The following BANK1 variants were observed in gnomAD, a reference collection of about 807,000 sequenced individuals.
The protein encoded by BANK1 is B cell scaffold protein with ankyrin repeats 1.
In BANK1, 95 loss-of-function variants were observed where a neutral mutation model predicts 94.5. The observed-to-expected ratio is 1.00, with a 90% CI of 0.85 to 1.19. The LOEUF is 1.19. BANK1 is among the 50% of genes most tolerant of loss of function. The pLI, the probability that BANK1 is intolerant of heterozygous loss-of-function variation, is 0.00. For missense variants in BANK1, 987 were observed against 932.2 expected, an observed-to-expected ratio of 1.06 and a Z score of -0.77; for synonymous variants, 334 against 308.4, an observed-to-expected ratio of 1.08 and a Z score of -0.87.
chr4:101,861,079 C>G (rs1396289244), intron 3 of BANK1, among the ~76,000 whole-genome samples: 1 of 152,164 alleles, frequency 6.6e-6, no homozygotes, highest in Non-Finnish European at 1.5e-5. Flanking sequence ...TTTTCTGACA[C>G]ATTGCATGTG....
chr4:101,926,282 TC>T (rs1318939622), intron 7 of BANK1, among the ~76,000 whole-genome samples: 3 of 151,692 alleles, frequency 2.0e-5, no homozygotes, highest in Non-Finnish European at 4.4e-5. Flanking sequence ...TATATTTTTT[TC>T]ATTTCTCCTT....
At chr4:101,914,454 C>G (rs1034752734) in intron 6 of BANK1, among the ~76,000 whole-genome samples, 1 of 152,104 alleles carries the variant, frequency 6.6e-6, no homozygotes, top group Non-Finnish European at 1.5e-5. Flanking sequence ...AATGGGAAAC[C>G]AATTTTGAAC....
intron 7 of BANK1, among the ~76,000 whole-genome samples, chr4:101,948,391 G>A (rs1022287279): frequency 6.6e-6 from 1 of 152,056 alleles, no homozygotes; most frequent in African/African-American, 2.4e-5. Context: ...AAATAATCAT[G>A]TAACAGGTTG....
intron 1 of BANK1, among the ~76,000 whole-genome samples, chr4:101,803,977 G>C (rs530220061): frequency 2.7e-5 from 3 of 111,054 alleles, no homozygotes; most frequent in African/African-American, 3.6e-5. Flanking sequence ...CAGCCTGGGC[G>C]ACAGAGCGAG....
chr4:101,922,532 A>T (rs1465804209), intron 7 of BANK1, among the ~76,000 whole-genome samples: 3 of 151,828 alleles, frequency 2.0e-5, no homozygotes, highest in Non-Finnish European at 2.9e-5. Context: ...GTTGGTGTCC[A>T]ATTGAAAGAC....
intron 1 of BANK1, among the ~76,000 whole-genome samples, chr4:101,820,352 T>A (rs1450851970): frequency 1.3e-5 from 2 of 152,218 alleles, no homozygotes; most frequent in African/African-American, 2.4e-5. Flanking sequence ...CCTTGTGGGA[T>A]CTAACTCTAG....
chr4:101,932,442 T>G (rs1307816642), intron 7 of BANK1, among the ~76,000 whole-genome samples: 1 of 151,560 alleles, frequency 6.6e-6, no homozygotes, highest in East Asian at 2.0e-4. Flanking sequence ...AATTTCACCT[T>G]AGTTGTCCTG....
intron 5 of BANK1, among the ~76,000 whole-genome samples, chr4:101,892,233 TATA>T (rs1721902936): frequency 1.3e-5 from 2 of 151,082 alleles, no homozygotes; most frequent in South Asian, 2.1e-4. Context: ...AAGAAATAGT[TATA>T]ATAATAAAGT....
intron 7 of BANK1, among the ~76,000 whole-genome samples, chr4:101,984,586 T>TA (rs1298965317): frequency 1.3e-5 from 2 of 152,116 alleles, no homozygotes; most frequent in African/African-American, 2.4e-5. Context: ...CTGTCATTGA[T>TA]AGTGTTATGG....
intron 1 of BANK1, among the ~76,000 whole-genome samples, chr4:101,828,982 C>A (rs547338993): frequency 1.3e-3 from 198 of 152,130 alleles, no homozygotes; most frequent in African/African-American, 4.5e-3. Context: ...CCTGACTCAG[C>A]CTCCCAAGTG....
chr4:101,936,435 T>C (rs1047595200), intron 7 of BANK1, among the ~76,000 whole-genome samples: 10 of 150,242 alleles, frequency 6.7e-5, no homozygotes, highest in Admixed American at 4.7e-4. Context: ...ATGTATAAGA[T>C]GTATACATGT....
chr4:101,993,582 G>A (rs998803661), intron 7 of BANK1, among the ~76,000 whole-genome samples: 1 of 152,110 alleles, frequency 6.6e-6, no homozygotes, highest in Non-Finnish European at 1.5e-5. Flanking sequence ...ACTTGGCACT[G>A]AAGAAATGCA....
At chr4:101,949,142 C>G (rs1724044253) in intron 7 of BANK1, among the ~76,000 whole-genome samples, 2 of 151,898 alleles carry the variant, frequency 1.3e-5, no homozygotes, top group African/African-American at 4.8e-5. Flanking sequence ...CAAGATGACC[C>G]TAGGATGACG....
In BANK1 at chr4:101,790,807, A is replaced by G. The variant is rs1724949299; in HGVS notation, c.-74A>G. The stretch of plus-strand genomic sequence containing the variant: ...GCCAAAGGAAGAGAAAATCGCGGGG[A>G]GTCTCTGGCCGGGAGAGTCCAGGTA... On this transcript the variant is annotated 5_prime_UTR_variant, in exon 1 of 17. Transcript: ENST00000322953. 4 of 1,423,834 alleles carry G rather than the reference A, an allele frequency of 2.8e-6. No individual in the cohort carries two copies. Among genetic ancestry groups the G allele is most frequent in the Non-Finnish European group, 2.9e-6 (3 of 1,045,430 alleles). 88.2% of individuals were successfully genotyped at this position (1,423,834 alleles called of 1,614,324 possible). A position where few individuals can be genotyped will look rare whatever the true frequency, so the allele number is the denominator to read the frequency against.
chr4:101,814,079 T>G (rs545843923), intron 1 of BANK1: 1 of 188,558 alleles, frequency 5.3e-6, no homozygotes, highest in African/African-American at 2.4e-5. Context: ...AAGTGTGACA[T>G]CCCATGTAAC....
At chr4:101,851,324 A>T (rs1030922945) in intron 2 of BANK1, among the ~76,000 whole-genome samples, 1 of 152,222 alleles carries the variant, frequency 6.6e-6, no homozygotes, top group African/African-American at 2.4e-5. Flanking sequence ...TAGATAGAAT[A>T]AAGTACTGTC....
At chr4:102,043,498 G>T (rs2148956152) in intron 10 of BANK1, among the ~76,000 whole-genome samples, 1 of 152,080 alleles carries the variant, frequency 6.6e-6, no homozygotes, top group Middle Eastern at 3.4e-3. Context: ...TGTGCAAATG[G>T]AATTTTTCAT....
Position 101,866,715 on chromosome 4 carries a change from C to T in BANK1, c.764-3790C>T, listed in dbSNP as rs377404630. ...ATGCTGCTATAAAGACACATGCACA[C>T]GTATGTTTATTGCAGCACTATTCAC... is the stretch of plus-strand genomic sequence containing the variant. On this transcript the variant is annotated intron_variant, in intron 4 of 16. Coordinates refer to ENST00000322953, the MANE Select transcript of BANK1 (RefSeq NM_017935.5). 2.9e-4 allele frequency among the ~76,000 whole-genome samples: 15 copies of T among 51,424 alleles called. 6 individuals carry two copies. The highest frequency in any genetic ancestry group is 4.7e-4 in the South Asian group (1 of 2,120). 33.7% of individuals were successfully genotyped at this position (51,424 alleles called of 152,430 possible).
intron 7 of BANK1, among the ~76,000 whole-genome samples, chr4:102,002,387 A>T (rs1726106834): frequency 6.6e-6 from 1 of 152,130 alleles, no homozygotes; most frequent in Admixed American, 6.5e-5. Flanking sequence ...AGGTAACAAT[A>T]GTACCAAAGA....
Sources: gnomAD v4.1 joint callset for allele counts (sites outside exome capture counted in the v4.1 genomes callset) on GRCh38, gnomAD v4.1.1 for gene constraint, MANE v1.5 for transcripts, NCBI Gene and HGNC (gene_info 2026-07-23, HGNC 2026-07-21) for gene names.